ATP2C2: variants seen among roughly 807,000 people sequenced by gnomAD.
The protein encoded by ATP2C2 is calcium-transporting ATPase type 2C member 2.
In ATP2C2, 171 loss-of-function variants were observed where a neutral mutation model predicts 110.8. The observed-to-expected ratio is 1.54, with a 90% CI of 1.36 to 1.75. The LOEUF is 1.75. ATP2C2 is among the 40% of genes most tolerant of loss of function. The pLI is 0.00. For missense variants in ATP2C2, 1,963 were observed against 1,235.0 expected, an observed-to-expected ratio of 1.59 and a Z score of -8.84; for synonymous variants, 804 against 508.4, an observed-to-expected ratio of 1.58 and a Z score of -7.82.
At chr16:84,433,649 C>G (rs1327752069) in intron 11 of ATP2C2, among the ~76,000 whole-genome samples, 6 of 149,988 alleles carry the variant, frequency 4.0e-5, no homozygotes, top group Non-Finnish European at 5.9e-5. Flanking sequence ...AAGACTCCGT[C>G]TCAAAAACAA....
At chr16:84,453,267 G>C (rs1567740525) in intron 19 of ATP2C2, 32 bp downstream of exon 19, 1 of 1,614,046 alleles carries the variant, frequency 6.2e-7, no homozygotes, top group Non-Finnish European at 8.5e-7. Context: ...TGGCAGTGGG[G>C]CTGGGTCACA....
chr16:84,386,057 C>G (rs1294955870), intron 1 of ATP2C2, among the ~76,000 whole-genome samples: 3 of 152,154 alleles, frequency 2.0e-5, no homozygotes, highest in Admixed American at 2.0e-4. Context: ...TTACGTTATC[C>G]TTTGAGCACT....
intron 2 of ATP2C2, among the ~76,000 whole-genome samples, chr16:84,402,233 G>GT (rs1905372157): frequency 6.6e-6 from 1 of 152,086 alleles, no homozygotes; most frequent in African/African-American, 2.4e-5. Flanking sequence ...GAGTCTTTAG[G>GT]TTTTTTCAGA....
rs377304288 is a variant in ATP2C2 at position 84,462,116 on chromosome 16, C to A, written c.2709C>A (p.Asn903Lys). 3 of 1,613,256 alleles carry A rather than the reference C, an allele frequency of 1.9e-6. No homozygotes were observed. The highest frequency in any genetic ancestry group is 2.5e-6 in the Non-Finnish European group (3 of 1,179,602). The change falls in exon 26 of 27, where the codon AAC becomes AAA. Residue 903 changes from asparagine to lysine, a missense_variant. Coordinates refer to ENST00000262429, the MANE Select transcript of ATP2C2 (RefSeq NM_014861.4). ...PPLQRVFQTENLGALDLLFLT... is the reference protein window; with the variant it reads ...PPLQRVFQTEKLGALDLLFLT... ...TGCAGAGGGTCTTCCAGACGGAGAA[C>A]CTGGGAGCGCTTGGTGAGTGGTGGG...
intron 15 of ATP2C2, among the ~76,000 whole-genome samples, chr16:84,443,886 A>G (rs1909497981): frequency 6.6e-6 from 1 of 152,176 alleles, no homozygotes; most frequent in African/African-American, 2.4e-5. Flanking sequence ...TTGGAAAGTC[A>G]TTACAGGCTG....
intron 3 of ATP2C2, chr16:84,406,531 C>A: frequency 1.1e-6 from 1 of 939,522 alleles, no homozygotes; most frequent in Non-Finnish European, 1.3e-6. Context: ...ATCACAGTCC[C>A]CTGGGCAGCA....
chr16:84,426,715 T>G (rs1907843714), intron 11 of ATP2C2, among the ~76,000 whole-genome samples: 1 of 152,196 alleles, frequency 6.6e-6, no homozygotes, highest in Non-Finnish European at 1.5e-5. Context: ...CTCTTAATAC[T>G]GGTTTACAAC....
intron 1 of ATP2C2, among the ~76,000 whole-genome samples, chr16:84,387,796 C>G (rs916379757): frequency 6.6e-6 from 1 of 152,108 alleles, no homozygotes; most frequent in Non-Finnish European, 1.5e-5. Flanking sequence ...ATATTAGAAT[C>G]GCCTGGGGGA....
chr16:84,398,664 G>T, intron 2 of ATP2C2, 55 bp downstream of exon 2: 1 of 1,411,146 alleles, frequency 7.1e-7, no homozygotes, highest in East Asian at 2.4e-5. Context: ...ATGTTTAAAA[G>T]AAAGCAACAC....
In ATP2C2 at chr16:84,404,379, C is replaced by T. The variant is rs1478305321; in HGVS notation, c.211-749C>T. ...CCTCCAGCCTCTGACACCCACCATT[C>T]TACTTTCTGTCTCTATGAATTTGAC... is the stretch of plus-strand genomic sequence containing the variant. On this transcript the variant is annotated intron_variant, in intron 2 of 26. Transcript: ENST00000262429. 1.9e-5 allele frequency: 3 copies of T among 156,746 alleles called. No individual in the cohort carries two copies. In the East Asian group the frequency reaches 5.6e-4, roughly 29 times the overall value. 9.7% of individuals were successfully genotyped at this position (156,746 alleles called of 1,614,324 possible).
chr16:84,392,660 A>G (rs905989136), intron 1 of ATP2C2, among the ~76,000 whole-genome samples: 2 of 152,110 alleles, frequency 1.3e-5, no homozygotes, highest in African/African-American at 4.8e-5. Flanking sequence ...ATGGGCTTTC[A>G]CCATGTTGAC....
chr16:84,422,666 G>A lies in ATP2C2; in HGVS notation c.812G>A (p.Gly271Glu), dbSNP rs767031281. ...VIGTGESSQF[G>E]EVFKMMQAEE... ...GGAACAGGGGAAAGCTCTCAGTTCG[G>A]AGAAGTGTTTAAGATGATGCAGGCT... The change falls in exon 9 of 27, where the codon GGA becomes GAA. Residue 271 changes from glycine to glutamate, a missense_variant. Gly to Glu is a moderately conservative substitution (Grantham distance 98). Coordinates refer to ENST00000262429, the MANE Select transcript of ATP2C2 (RefSeq NM_014861.4). 7 of 1,613,436 alleles carry A rather than the reference G, an allele frequency of 4.3e-6. No individual in the cohort carries two copies. Among genetic ancestry groups the A allele is most frequent in the Non-Finnish European group, 5.9e-6 (7 of 1,179,830 alleles).
chr16:84,436,736 T>G (rs1047085300), intron 11 of ATP2C2, among the ~76,000 whole-genome samples: 2 of 142,318 alleles, frequency 1.4e-5, no homozygotes, highest in African/African-American at 5.2e-5. Flanking sequence ...AAATCTCTCC[T>G]CCCCCTCCCC....
At position 84,463,781 on chromosome 16, in the gene ATP2C2, A is replaced by C; in HGVS notation, c.*49A>C. On this transcript the variant is annotated 3_prime_UTR_variant, in exon 27 of 27. Transcript: ENST00000262429. Reference sequence around the variant, plus strand: ...CCCTAATCATCTCGATCTGGTTGTGACTGTGGCCCCTGCCGTGTCTCCTCG... The same window carrying C: ...CCCTAATCATCTCGATCTGGTTGTGCCTGTGGCCCCTGCCGTGTCTCCTCG... 2 of 1,508,612 alleles carry C rather than the reference A, an allele frequency of 1.3e-6. No homozygotes were observed. The highest frequency in any genetic ancestry group is 2.3e-5 in the East Asian group (1 of 44,206). 93.5% of individuals were successfully genotyped at this position (1,508,612 alleles called of 1,614,324 possible). A position where few individuals can be genotyped will look rare whatever the true frequency, so the allele number is the denominator to read the frequency against.
At chr16:84,380,169 T>C (rs1273327151) in intron 1 of ATP2C2, among the ~76,000 whole-genome samples, 2 of 151,350 alleles carry the variant, frequency 1.3e-5, no homozygotes, top group African/African-American at 4.8e-5. Context: ...AGGGAAAGTC[T>C]ATAAATAGCC....
At chr16:84,442,340 C>G (rs1381145846) in intron 14 of ATP2C2, among the ~76,000 whole-genome samples, 170 bp from the exon 15 acceptor site, 2 of 152,200 alleles carry the variant, frequency 1.3e-5, no homozygotes, top group East Asian at 3.8e-4. Flanking sequence ...ACATTCAGCA[C>G]AGCCAAGAAA....
chr16:84,368,805 C>G, intron 1 of ATP2C2, 91 bp downstream of exon 1: 1 of 1,132,352 alleles, frequency 8.8e-7, no homozygotes, highest in East Asian at 3.1e-5. Flanking sequence ...CGCGTTCGCG[C>G]TGCGATCCGC....
chr16:84,401,903 C>G (rs1435941120), intron 2 of ATP2C2, among the ~76,000 whole-genome samples: 1 of 151,750 alleles, frequency 6.6e-6, no homozygotes, highest in Admixed American at 6.6e-5. Context: ...TCGATTAAAT[C>G]TATAGATTGC....
chr16:84,420,593 C>T (rs747316995), intron 7 of ATP2C2, among the ~76,000 whole-genome samples: 1 of 151,610 alleles, frequency 6.6e-6, no homozygotes, highest in African/African-American at 2.4e-5. Context: ...AATGCCTTAG[C>T]TTACTTGGGT....
Sources: gnomAD v4.1 joint callset for allele counts (sites outside exome capture counted in the v4.1 genomes callset) on GRCh38, gnomAD v4.1.1 for gene constraint, MANE v1.5 for transcripts, NCBI Gene and HGNC (gene_info 2026-07-23, HGNC 2026-07-21) for gene names.